Variants in LUZP1 observed in about 807,000 individuals in gnomAD.
LUZP1 encodes the protein leucine zipper protein 1, also known as filamin mechanobinding actin cross-linking protein.
Under a neutral mutation model 71.3 loss-of-function variants are expected in LUZP1, and 25 were observed. The ratio of observed to expected loss-of-function variants is 0.35; its 90% CI spans 0.26 to 0.49. The LOEUF is 0.49. Ranked by LOEUF, LUZP1 falls within the 20% of genes least tolerant of loss-of-function variation. The probability of loss-of-function intolerance (pLI) is 0.99; values close to 1 mark genes in which losing one functional copy is unlikely to be tolerated. For missense variants in LUZP1, 1,142 were observed against 1,300.8 expected, an observed-to-expected ratio of 0.88 and a Z score of 1.88; for synonymous variants, 481 against 506.4, an observed-to-expected ratio of 0.95 and a Z score of 0.67.
chr1:23,108,758 A>G (rs1203162578), intron 3 of LUZP1, among the ~76,000 whole-genome samples: 2 of 152,178 alleles, frequency 1.3e-5, no homozygotes, highest in Non-Finnish European at 2.9e-5. Context: ...GTCCAACAGG[A>G]CTGCGCCCGA....
At chr1:23,151,870 C>A (rs781358954) in intron 2 of LUZP1, among the ~76,000 whole-genome samples, 1 of 151,864 alleles carries the variant, frequency 6.6e-6, no homozygotes, top group African/African-American at 2.4e-5. Context: ...GGCATGGTAG[C>A]ACATACCTGT....
At chr1:23,152,717 G>T (rs1355938501) in intron 2 of LUZP1, among the ~76,000 whole-genome samples, 2 of 152,014 alleles carry the variant, frequency 1.3e-5, no homozygotes, top group African/African-American at 2.4e-5. Flanking sequence ...TTTTAGTAGA[G>T]ACAGGGTTTT....
chr1:23,153,496 T>A (rs1644399141), intron 2 of LUZP1, among the ~76,000 whole-genome samples: 1 of 152,020 alleles, frequency 6.6e-6, no homozygotes, highest in African/African-American at 2.4e-5. Flanking sequence ...CCCAGTAAAC[T>A]GTAACCTGTC....
At chr1:23,162,564 G>C (rs578012291) in intron 2 of LUZP1, 1 of 151,708 alleles carries the variant, frequency 6.6e-6, no homozygotes, top group East Asian at 1.9e-4. Context: ...TCAGCCTCCC[G>C]AGTAGCTGGG....
intron 2 of LUZP1, among the ~76,000 whole-genome samples, chr1:23,147,099 AAATAATAAT>A (rs371398665): frequency 6.9e-5 from 10 of 144,526 alleles, no homozygotes; most frequent in South Asian, 2.3e-4. Flanking sequence ...TCCGTCTCAA[AAATAATAAT>A]AATAATAATA....
At chr1:23,175,207 T>C (rs1644575499) in intron 1 of LUZP1, among the ~76,000 whole-genome samples, 1 of 151,974 alleles carries the variant, frequency 6.6e-6, no homozygotes, top group South Asian at 2.1e-4. Flanking sequence ...AAAGCCCAAG[T>C]CCAGGAGGAA....
intron 2 of LUZP1, among the ~76,000 whole-genome samples, chr1:23,158,225 G>A (rs1028082911): frequency 1.5e-4 from 23 of 152,142 alleles, no homozygotes; most frequent in African/African-American, 5.6e-4. Flanking sequence ...GCCCCTGAAG[G>A]CACAGTATTT....
At chr1:23,172,384 C>T (rs868687228) in intron 1 of LUZP1, among the ~76,000 whole-genome samples, 3 of 152,018 alleles carry the variant, frequency 2.0e-5, no homozygotes, top group East Asian at 1.9e-4. Context: ...ATAGGCCAGG[C>T]GCAGTGGCTC....
At chr1:23,177,966 AC>A (rs1351865355), upstream of LUZP1, among the ~76,000 whole-genome samples, 2 of 152,142 alleles carry the variant, frequency 1.3e-5, no homozygotes, top group African/African-American at 4.8e-5. Flanking sequence ...GGGGGATGGG[AC>A]CCAGCGCAAA....
intron 3 of LUZP1, among the ~76,000 whole-genome samples, chr1:23,097,250 G>A (rs1261257607): frequency 3.3e-5 from 5 of 152,128 alleles, no homozygotes; most frequent in Admixed American, 6.5e-5. Context: ...AATTTTGGAG[G>A]AAGCAAAAAC....
intron 3 of LUZP1, among the ~76,000 whole-genome samples, chr1:23,097,793 G>A (rs1643900877): frequency 1.3e-5 from 2 of 152,318 alleles, no homozygotes; most frequent in South Asian, 4.1e-4. Flanking sequence ...AGTGAGCTAT[G>A]ACTGTGCCAC....
At chr1:23,157,391 C>G (rs917040316) in intron 2 of LUZP1, among the ~76,000 whole-genome samples, 2 of 152,194 alleles carry the variant, frequency 1.3e-5, no homozygotes, top group Admixed American at 1.3e-4. Flanking sequence ...AAAAAGCCGT[C>G]CTAGGCCAGG....
exon 5 of LUZP1, chr1:23,084,194 T>C (rs1643720419): frequency 6.6e-6 from 1 of 152,210 alleles, no homozygotes; most frequent in Admixed American, 6.5e-5. Context: ...TTAGTGGCTC[T>C]TAAAAAAACA....
At chr1:23,142,109 G>A (rs1028993598) in intron 2 of LUZP1, among the ~76,000 whole-genome samples, 4 of 151,928 alleles carry the variant, frequency 2.6e-5, no homozygotes, top group African/African-American at 9.7e-5. Context: ...GCCTCCCAAA[G>A]TGCTGGGATT....
intron 2 of LUZP1, among the ~76,000 whole-genome samples, chr1:23,127,318 G>A (rs1644179667): frequency 6.6e-6 from 1 of 152,146 alleles, no homozygotes; most frequent in Admixed American, 6.5e-5. Context: ...AGGTCTACCT[G>A]ACTTTAAATT....
At chr1:23,125,052 G>A (rs948866823) in intron 2 of LUZP1, among the ~76,000 whole-genome samples, 3 of 152,148 alleles carry the variant, frequency 2.0e-5, no homozygotes, top group African/African-American at 7.2e-5. Flanking sequence ...ATACAGAGCT[G>A]AGAGAGGGAC....
intron 2 of LUZP1, among the ~76,000 whole-genome samples, chr1:23,110,968 G>A (rs1415624078): frequency 1.3e-5 from 2 of 152,058 alleles, no homozygotes; most frequent in Admixed American, 6.5e-5. Flanking sequence ...GGGCGGCCAA[G>A]GCGGGCAGAT....
chr1:23,105,581 T>C (rs959475613), intron 3 of LUZP1, among the ~76,000 whole-genome samples: 4 of 152,202 alleles, frequency 2.6e-5, no homozygotes, highest in African/African-American at 9.6e-5. Context: ...TAGTACCTGG[T>C]CTATAGTAAG....
At chr1:23,111,948 C>T (rs1644038091) in intron 2 of LUZP1, among the ~76,000 whole-genome samples, 1 of 152,134 alleles carries the variant, frequency 6.6e-6, no homozygotes, top group Admixed American at 6.6e-5. Flanking sequence ...TAGCAGCGCC[C>T]CTGCTAAAAT....
Sources: gnomAD v4.1 joint callset for allele counts (sites outside exome capture counted in the v4.1 genomes callset) on GRCh38, gnomAD v4.1.1 for gene constraint, MANE v1.5 for transcripts, NCBI Gene and HGNC (gene_info 2026-07-23, HGNC 2026-07-21) for gene names.